DHRS12: variants seen among roughly 807,000 people sequenced by gnomAD.
DHRS12 encodes dehydrogenase/reductase 12.
In DHRS12, 29 loss-of-function variants were observed where a neutral mutation model predicts 32.1. The observed-to-expected ratio is 0.90, with a 90% CI of 0.67 to 1.23. The LOEUF (loss-of-function observed/expected upper bound fraction) is 1.23, where lower values mean the gene tolerates loss of function less well. DHRS12 is among the 50% of genes most tolerant of loss of function. The pLI is 0.00. For synonymous variants in DHRS12, 150 were observed against 135.9 expected, an observed-to-expected ratio of 1.10 and a Z score of -0.72; for missense variants, 330 against 337.2, an observed-to-expected ratio of 0.98 and a Z score of 0.17.
the DHRS12 span, among the ~76,000 whole-genome samples, chr13:51,755,791 CCTT>C: frequency 6.6e-6 from 1 of 152,238 alleles, no homozygotes; most frequent in South Asian, 2.1e-4. Flanking sequence ...GTTTCTCTCT[CCTT>C]ATTTTACTTT....
chr13:51,771,621 C>A, intron 7 of DHRS12, 200 bp downstream of exon 7: 1 of 1,472,216 alleles, frequency 6.8e-7, no homozygotes, highest in Admixed American at 2.1e-5. Context: ...ACAGGGCAAG[C>A]TGGAAGCAAA....
At chr13:51,759,853 A>G in the DHRS12 span, 1 of 1,430,526 alleles carries the variant, frequency 7.0e-7, no homozygotes, top group Non-Finnish European at 9.8e-7. Flanking sequence ...GGTAAAGCAG[A>G]CATGTGAGAA....
intron 2 of DHRS12, among the ~76,000 whole-genome samples, chr13:51,794,502 C>T (rs1208995772): frequency 6.6e-6 from 1 of 152,202 alleles, no homozygotes; most frequent in Non-Finnish European, 1.5e-5. Context: ...CCTGGAAGAG[C>T]TGGAGAGTCG....
chr13:51,757,833 CT>C, the DHRS12 span, among the ~76,000 whole-genome samples: 20,257 of 142,188 alleles, frequency 0.14, 1,790 homozygotes, highest in African/African-American at 0.24. Context: ...TATCTTGGTC[CT>C]TTTTTTTTTT....
intron 6 of DHRS12, chr13:51,773,086 C>T (rs532372809): frequency 1.0e-5 from 10 of 983,250 alleles, no homozygotes; most frequent in Non-Finnish European, 9.7e-6. Flanking sequence ...TATATATATC[C>T]GGCTTTTAAA....
chr13:51,787,849 T>C (rs1050716714), intron 4 of DHRS12, among the ~76,000 whole-genome samples: 1 of 125,196 alleles, frequency 8.0e-6, no homozygotes, highest in Non-Finnish European at 1.6e-5. Context: ...ATATAATATA[T>C]AATTATATAT....
At position 51,769,148 on chromosome 13, in the gene DHRS12, G is replaced by C. The variant is rs1354812654; in HGVS notation, c.697+8C>G. 8 of 1,548,944 alleles carry C rather than the reference G, an allele frequency of 5.2e-6. No homozygotes were observed. Among genetic ancestry groups the C allele is most frequent in the Non-Finnish European group, 7.0e-6 (8 of 1,146,980 alleles). On this transcript the variant is annotated splice_region_variant and intron_variant, in intron 8 of 8. Coordinates refer to ENST00000444610, the MANE Select transcript of DHRS12 (RefSeq NM_001377533.1). Reference sequence around the variant, plus strand: ...GTCAGCTGCCTTCACAGCCAGGGAGGAAGTCACCTTGAAAGAAGCGGCCGC... The same window carrying C: ...GTCAGCTGCCTTCACAGCCAGGGAGCAAGTCACCTTGAAAGAAGCGGCCGC...
intron 4 of DHRS12, among the ~76,000 whole-genome samples, chr13:51,777,762 G>A (rs978431106): frequency 2.6e-5 from 4 of 152,200 alleles, no homozygotes; most frequent in African/African-American, 9.6e-5. Flanking sequence ...AAGATGAAGA[G>A]AAAATGTCTG....
intron 7 of DHRS12, 120 bp downstream of exon 7, chr13:51,771,701 C>A: frequency 2.9e-6 from 4 of 1,363,492 alleles, no homozygotes; most frequent in Non-Finnish European, 4.1e-6. Flanking sequence ...GGAAATGAAG[C>A]TACTCCTCAG....
rs772742507 is a variant in DHRS12 at position 51,799,514 on chromosome 13, A to G, written c.126+20T>C. The G allele has an allele frequency of 6.2e-7, 1 of 1,612,246 alleles. No homozygotes were observed. The highest frequency in any genetic ancestry group is 1.3e-5 in the African/African-American group (1 of 74,862). On this transcript the variant is annotated intron_variant, in intron 2 of 8. Coordinates refer to ENST00000444610, the MANE Select transcript of DHRS12 (RefSeq NM_001377533.1). ...TCTGGCCGTGGGGCTCAGTGGACAC[A>G]CGTGTTAGCAGCTGCTTACCTCGCT... is the stretch of plus-strand genomic sequence containing the variant.
chr13:51,791,783 C>T lies in DHRS12; in HGVS notation c.127-526G>A, dbSNP rs146147518. 6.1e-4 allele frequency among the ~76,000 whole-genome samples: 93 copies of T among 152,314 alleles called. 2 individuals are homozygous for T. In the Middle Eastern group the frequency reaches 0.014, roughly 22 times the overall value. On this transcript the variant is annotated intron_variant, in intron 2 of 8. Transcript: ENST00000444610. ...TCTCCTTTCCCCCAGCCCCTGACAA[C>T]CACCATTCCACTCTTTGGTTCTATG...
the DHRS12 span, chr13:51,756,326 C>G: frequency 6.2e-7 from 1 of 1,612,424 alleles, no homozygotes; most frequent in Non-Finnish European, 8.5e-7. Context: ...TATCTCCCTC[C>G]TCCAGCACCA....
At chr13:51,801,551 G>T (rs1955755853) in intron 1 of DHRS12, among the ~76,000 whole-genome samples, 1 of 152,076 alleles carries the variant, frequency 6.6e-6, no homozygotes, top group Admixed American at 6.5e-5. Flanking sequence ...AGCTCATTTG[G>T]CCCCCAAGCC....
rs71436262 is a variant in DHRS12, at chr13:51,782,621, G to C, written c.302-5500C>G. On this transcript the variant is annotated intron_variant, in intron 4 of 8. Coordinates refer to ENST00000444610, the MANE Select transcript of DHRS12 (RefSeq NM_001377533.1). This position sits in a 1 kb window ranked among gnomAD's most constrained non-coding sequence, Gnocchi z 4.2. ...CGGGGACCATGAGAGGCTGGTGGAG[G>C]AAGTGCTGTGCAGGCTTTTCTCCAG... is the stretch of plus-strand genomic sequence containing the variant. Among the ~76,000 whole-genome samples the C allele has an allele frequency of 6.6e-6, 1 of 152,186 alleles. No individual in the cohort carries two copies. The highest frequency in any genetic ancestry group is 2.4e-5 in the African/African-American group (1 of 41,442).
In DHRS12 at chr13:51,799,602, C is replaced by G. The variant is rs750787784; in HGVS notation, c.58G>C (p.Glu20Gln). 1 of 1,614,130 alleles carries G rather than the reference C, an allele frequency of 6.2e-7. No homozygotes were observed. The highest frequency in any genetic ancestry group is 8.5e-7 in the Non-Finnish European group (1 of 1,179,998). Reference sequence around the variant, plus strand: ...GTTTCCTCCAGTGACCAAAAAGACTCTTCCAGGAATCTGGACCTCCAAGTC... The same window carrying G: ...GTTTCCTCCAGTGACCAAAAAGACTGTTCCAGGAATCTGGACCTCCAAGTC... Reference protein sequence around the residue: ...LMTWRSRFLEESFWSLEETAA... With the variant: ...LMTWRSRFLEQSFWSLEETAA... Residue 20 changes from glutamate to glutamine, a missense_variant, in exon 2 of 9, where the codon GAG (glutamate) becomes CAG (glutamine). Transcript: ENST00000444610.
At chr13:51,794,792 GT>G (rs34797291) in intron 2 of DHRS12, among the ~76,000 whole-genome samples, 115,984 of 147,022 alleles carry the variant, frequency 0.79, 45,823 homozygotes, top group Middle Eastern at 0.85. Context: ...TAAAATAGAA[GT>G]TTTTTTTTTT....
At chr13:51,758,364 A>C in the DHRS12 span, 1 of 1,251,380 alleles carries the variant, frequency 8.0e-7, no homozygotes, top group Non-Finnish European at 1.1e-6. Flanking sequence ...CAGGAGCACC[A>C]AGAACATGGG....
At chr13:51,771,177 C>G in intron 7 of DHRS12, 1 of 1,546,480 alleles carries the variant, frequency 6.5e-7, no homozygotes, top group Non-Finnish European at 8.7e-7. Flanking sequence ...GCAGACAGCG[C>G]TGAGACCAGT....
At chr13:51,780,069 C>T (rs958556400) in intron 4 of DHRS12, among the ~76,000 whole-genome samples, 7 of 151,980 alleles carry the variant, frequency 4.6e-5, no homozygotes, top group African/African-American at 7.2e-5. Context: ...CCCAGCTACT[C>T]GGGAGGCTGA....
Sources: allele counts gnomAD v4.1 joint callset (sites outside exome capture counted in the v4.1 genomes callset), GRCh38; gene constraint gnomAD v4.1.1; non-coding constraint Gnocchi (gnomAD v3.1); transcripts MANE v1.5; gene names NCBI Gene and HGNC (gene_info 2026-07-23, HGNC 2026-07-21).